CFAP263: variants seen among roughly 807,000 people sequenced by gnomAD.
The protein encoded by CFAP263 is cilia and flagella associated protein 263, also known as cilia- and flagella-associated protein 263.
chr16:58,253,325 G>A, the CFAP263 span, among the ~76,000 whole-genome samples: 1 of 151,894 alleles, frequency 6.6e-6, no homozygotes, highest in Non-Finnish European at 1.5e-5. Flanking sequence ...AGGCTGCAGT[G>A]AGCTATGATC....
At chr16:58,263,913 G>A in the CFAP263 span, among the ~76,000 whole-genome samples, 1 of 152,220 alleles carries the variant, frequency 6.6e-6, no homozygotes, top group African/African-American at 2.4e-5. Flanking sequence ...CCTGGGGGCA[G>A]AGGTTGCAGT....
chr16:58,269,449 G>A, the CFAP263 span, among the ~76,000 whole-genome samples: 15 of 150,600 alleles, frequency 1.0e-4, no homozygotes, highest in Non-Finnish European at 2.2e-4. Context: ...AGGAAGGAAG[G>A]AAAGAAAAGA....
At chr16:58,258,292 A>G in the CFAP263 span, 61 of 1,365,462 alleles carry the variant, frequency 4.5e-5, no homozygotes, top group Non-Finnish European at 6.1e-5. Context: ...GAGGCCTGGG[A>G]ACTTAGGTTT....
At chr16:58,279,630 G>A in the CFAP263 span, 1 of 1,385,046 alleles carries the variant, frequency 7.2e-7, no homozygotes, top group South Asian at 1.3e-5. Context: ...TTTTCCCCAA[G>A]TGACTTTCTC....
At chr16:58,265,596 TG>T in the CFAP263 span, among the ~76,000 whole-genome samples, 88,823 of 151,994 alleles carry the variant, frequency 0.58, 27,036 homozygotes, top group African/African-American at 0.75. Flanking sequence ...ACCACAGCTC[TG>T]GGCGGACACC....
chr16:58,264,761 A>G, the CFAP263 span, among the ~76,000 whole-genome samples: 2 of 152,194 alleles, frequency 1.3e-5, no homozygotes, highest in Non-Finnish European at 2.9e-5. Flanking sequence ...CCACTTTGAT[A>G]TAAATATGAA....
At chr16:58,267,364 A>G in the CFAP263 span, 256 of 742,858 alleles carry the variant, frequency 3.4e-4, 1 homozygote, top group African/African-American at 4.0e-3. Context: ...GAGAAAGGCA[A>G]TTTGGACTTT....
chr16:58,254,726 T>TC, the CFAP263 span, among the ~76,000 whole-genome samples: 46 of 151,896 alleles, frequency 3.0e-4, no homozygotes, highest in African/African-American at 1.1e-3. Flanking sequence ...TGCCTCAGCC[T>TC]CCCTAGTAGC....
the CFAP263 span, among the ~76,000 whole-genome samples, chr16:58,279,517 G>GC: frequency 1.3e-5 from 2 of 151,930 alleles, no homozygotes; most frequent in Non-Finnish European, 2.9e-5. Context: ...CCCCTTTGTG[G>GC]CCCCTACACA....
the CFAP263 span, among the ~76,000 whole-genome samples, chr16:58,261,228 C>T: frequency 6.6e-6 from 1 of 152,184 alleles, no homozygotes; most frequent in Non-Finnish European, 1.5e-5. Flanking sequence ...CTCAGGGCTG[C>T]AGCAGGAAGG....
chr16:58,278,344 C>T, the CFAP263 span: 5 of 753,430 alleles, frequency 6.6e-6, no homozygotes, highest in South Asian at 6.3e-5. Flanking sequence ...GATTCCCACC[C>T]CTCCCCAACC....
chr16:58,250,931 T>C, the CFAP263 span, among the ~76,000 whole-genome samples: 5 of 152,202 alleles, frequency 3.3e-5, no homozygotes, highest in Non-Finnish European at 5.9e-5. Flanking sequence ...TTTTGTTTTA[T>C]TTTATTTTGC....
At chr16:58,255,998 C>G in the CFAP263 span, among the ~76,000 whole-genome samples, 1 of 152,206 alleles carries the variant, frequency 6.6e-6, no homozygotes, top group Admixed American at 6.5e-5. Context: ...ATTCGGTTGC[C>G]CACAGGATGA....
chr16:58,260,263 G>T, the CFAP263 span, among the ~76,000 whole-genome samples: 1 of 152,136 alleles, frequency 6.6e-6, no homozygotes, highest in Non-Finnish European at 1.5e-5. Context: ...GTCAAGGACT[G>T]CAGACAGCCT....
the CFAP263 span, chr16:58,280,230 A>G: frequency 6.8e-6 from 11 of 1,609,606 alleles, no homozygotes; most frequent in South Asian, 1.2e-4. Context: ...TGGACTAGAT[A>G]CTGCTGCAAA....
the CFAP263 span, among the ~76,000 whole-genome samples, chr16:58,253,313 T>G: frequency 1.3e-5 from 2 of 151,934 alleles, no homozygotes; most frequent in Non-Finnish European, 2.9e-5. Flanking sequence ...CCCAGGAGTT[T>G]GAGGCTGCAG....
the CFAP263 span, among the ~76,000 whole-genome samples, chr16:58,263,631 A>C: frequency 2.0e-5 from 3 of 152,168 alleles, no homozygotes; most frequent in East Asian, 1.9e-4. Flanking sequence ...CTTTAGACCA[A>C]GTTTATGTTT....
At chr16:58,274,447 C>T in the CFAP263 span, among the ~76,000 whole-genome samples, 12 of 152,152 alleles carry the variant, frequency 7.9e-5, no homozygotes, top group Admixed American at 2.6e-4. Flanking sequence ...GCTCTGTGTC[C>T]CCACGCAAGT....
At chr16:58,254,828 A>G in the CFAP263 span, among the ~76,000 whole-genome samples, 1 of 151,878 alleles carries the variant, frequency 6.6e-6, no homozygotes, top group Non-Finnish European at 1.5e-5. Context: ...AATGGTCTCG[A>G]TCTCCTGACC....
Sources: allele counts gnomAD v4.1 joint callset (sites outside exome capture counted in the v4.1 genomes callset), GRCh38; gene constraint gnomAD v4.1.1; transcripts MANE v1.5; gene names NCBI Gene and HGNC (gene_info 2026-07-23, HGNC 2026-07-21).